Variants in MAP2 observed in about 807,000 individuals in gnomAD.
MAP2 encodes microtubule-associated protein 2.
In MAP2, 14 loss-of-function variants were observed where a neutral mutation model predicts 137.6. That is an observed-to-expected ratio of 0.10 (90% confidence interval 0.07 to 0.16). MAP2 has a LOEUF of 0.16. Ranked by LOEUF, MAP2 falls within the 10% of genes least tolerant of loss-of-function variation. The pLI, the probability that MAP2 is intolerant of heterozygous loss-of-function variation, is 1.00. For missense variants in MAP2, 2,088 were observed against 2,191.5 expected (o/e 0.95, Z 0.94); for synonymous variants, 786 against 782.3 (o/e 1.00, Z -0.08).
chr2:209,716,965 A>G (rs2067919199), intron 13 of MAP2, among the ~76,000 whole-genome samples: 1 of 151,814 alleles, frequency 6.6e-6, no homozygotes, highest in African/African-American at 2.4e-5. Flanking sequence ...ATTGAGTAAA[A>G]GAGCAGGTTT....
At chr2:209,459,655 C>A (rs765961810) in intron 1 of MAP2, among the ~76,000 whole-genome samples, 1 of 152,204 alleles carries the variant, frequency 6.6e-6, no homozygotes, top group Non-Finnish European at 1.5e-5. Flanking sequence ...GACTCTCTTA[C>A]ATCTGAGGTG....
intron 1 of MAP2, among the ~76,000 whole-genome samples, chr2:209,454,359 G>A (rs1701037072): frequency 6.6e-6 from 1 of 151,992 alleles, no homozygotes; most frequent in African/African-American, 2.4e-5. Flanking sequence ...GAGAGAGATG[G>A]AGTCTCGCTC....
intron 5 of MAP2, among the ~76,000 whole-genome samples, chr2:209,662,271 C>T (rs2044013478): frequency 6.6e-6 from 1 of 152,180 alleles, no homozygotes; most frequent in Admixed American, 6.5e-5. Context: ...CAAGAAAATT[C>T]CTCCCATGCA....
chr2:209,674,905 G>C (rs28758270), intron 5 of MAP2, among the ~76,000 whole-genome samples: 28,653 of 151,580 alleles, frequency 0.19, 3,908 homozygotes, highest in African/African-American at 0.38. Context: ...TGCTGATGAG[G>C]CTTCCAATGA....
At chr2:209,601,744 G>A (rs2083068918) in intron 3 of MAP2, among the ~76,000 whole-genome samples, 1 of 152,124 alleles carries the variant, frequency 6.6e-6, no homozygotes, top group Non-Finnish European at 1.5e-5. Flanking sequence ...ACATGGGTTG[G>A]CAGTGTATTT....
chr2:209,692,798 A>G lies in MAP2; in HGVS notation c.628A>G (p.Lys210Glu), dbSNP rs1221551965. 2 of 1,613,788 alleles carry G rather than the reference A, an allele frequency of 1.2e-6. No individual in the cohort carries two copies. The highest frequency in any genetic ancestry group is 1.7e-6 in the Non-Finnish European group (2 of 1,179,880). ...QPETTKTYPD[K>E]KDMQGTEEEK... ...AGAGACAACTAAAACTTACCCTGAT[A>G]AAAAGGACATGCAAGGCACGGAAGA... Residue 210 changes from lysine (K) to glutamate (E), a missense_variant, in exon 8 of 16, where the codon AAA (lysine) becomes GAA (glutamate). Transcript: ENST00000682079.
At position 209,695,696 on chromosome 2, in the gene MAP2, C is replaced by T. The variant is rs770310310; in HGVS notation, c.3526C>T (p.Pro1176Ser). Residue 1176 changes from proline to serine, a missense_variant, in exon 8 of 16, where the codon CCA becomes TCA. Coordinates refer to ENST00000682079, the MANE Select transcript of MAP2 (RefSeq NM_001375505.1). The part of the protein sequence containing the change: ...AVKLSVEIPC[P>S]PAVSEADLAT... ...CAAATTGTCAGTGGAAATACCTTGC[C>T]CACCTGCTGTTTCAGAGGCTGATTT... 3 of 1,613,988 alleles carry T rather than the reference C, an allele frequency of 1.9e-6. No individual in the cohort carries two copies. The highest frequency in any genetic ancestry group is 2.5e-6 in the Non-Finnish European group (3 of 1,179,982).
chr2:209,611,787 C>T (rs1207891693), intron 3 of MAP2, among the ~76,000 whole-genome samples: 3 of 152,048 alleles, frequency 2.0e-5, no homozygotes. Context: ...GCACAACTGT[C>T]TGACACTTTC....
In MAP2 at chr2:209,708,489, G is replaced by C. The variant is rs186691145; in HGVS notation, c.4733-1425G>C. ...CAGGAGATAGAACCTATGGTGATGG[G>C]TGGATTTACATTTTCCATAGATTAC... is the stretch of plus-strand genomic sequence containing the variant. On this transcript the variant is annotated intron_variant, in intron 12 of 15. Coordinates refer to ENST00000682079, the MANE Select transcript of MAP2 (RefSeq NM_001375505.1). 2.7e-3 allele frequency among the ~76,000 whole-genome samples: 412 copies of C among 152,230 alleles called. 1 individual carries two copies. Among genetic ancestry groups the C allele is most frequent in the Middle Eastern group, 0.01 (3 of 294 alleles).
At chr2:209,457,828 T>G (rs1228119358) in intron 1 of MAP2, among the ~76,000 whole-genome samples, 1 of 152,170 alleles carries the variant, frequency 6.6e-6, no homozygotes, top group African/African-American at 2.4e-5. Flanking sequence ...CATTGCCATC[T>G]TTGCCTTTCC....
chr2:209,434,873 GTTATATATA>G (rs1695395128), intron 1 of MAP2, among the ~76,000 whole-genome samples: 3 of 87,604 alleles, frequency 3.4e-5, no homozygotes, highest in Non-Finnish European at 7.6e-5. Context: ...TTATATATAT[GTTATATATA>G]TGTTATATAT....
chr2:209,707,071 A>T (rs769708687), intron 12 of MAP2, among the ~76,000 whole-genome samples: 1 of 152,154 alleles, frequency 6.6e-6, no homozygotes, highest in Non-Finnish European at 1.5e-5. Context: ...AATAACCCCA[A>T]GGATGTATGA....
intron 3 of MAP2, among the ~76,000 whole-genome samples, chr2:209,623,086 T>C (rs937202519): frequency 1.3e-5 from 2 of 152,170 alleles, no homozygotes; most frequent in African/African-American, 4.8e-5. Flanking sequence ...GTTTTTAATA[T>C]TACCCAAATA....
In MAP2 at chr2:209,609,757, A is replaced by G. The variant is rs181198965; in HGVS notation, c.-106-15296A>G. Among the ~76,000 whole-genome samples the G allele has an allele frequency of 3.8e-4, 58 of 152,288 alleles. 1 individual carries two copies. The highest frequency in any genetic ancestry group is 7.1e-4 in the Non-Finnish European group (48 of 68,012). ...GTTGCTGAGTCATTGATTCTTTTTTAAACTGAAAGGAAACCCTGTGGTTAT... is the reference window on the plus strand; with the variant it reads ...GTTGCTGAGTCATTGATTCTTTTTTGAACTGAAAGGAAACCCTGTGGTTAT... On this transcript the variant is annotated intron_variant, in intron 3 of 15. Transcript: ENST00000682079.
intron 1 of MAP2, among the ~76,000 whole-genome samples, chr2:209,425,985 C>T (rs911115519): frequency 6.6e-6 from 1 of 152,078 alleles, no homozygotes; most frequent in Non-Finnish European, 1.5e-5. Flanking sequence ...CACAAAGAAC[C>T]CTTCCTTCAA....
At chr2:209,660,690 C>T (rs1426364856) in intron 5 of MAP2, among the ~76,000 whole-genome samples, 4 of 143,686 alleles carry the variant, frequency 2.8e-5, no homozygotes, top group African/African-American at 1.0e-4. Flanking sequence ...CCACCGTGCC[C>T]GGCCTGCTGC....
chr2:209,528,104 C>T (rs540304247), intron 2 of MAP2, among the ~76,000 whole-genome samples: 2 of 143,348 alleles, frequency 1.4e-5, no homozygotes, highest in African/African-American at 5.2e-5. Context: ...ATCTTCCCCC[C>T]CTGCCCACCC....
In MAP2 at chr2:209,720,054, A is replaced by G. The variant is rs369895999; in HGVS notation, c.5074-5655A>G. Among the ~76,000 whole-genome samples the G allele has an allele frequency of 1.2e-4, 18 of 152,328 alleles. No homozygotes were observed. The South Asian group carries it at 2.1e-3, about 18-fold the overall frequency. Reference sequence around the variant, plus strand: ...AAACACAGGGATGAACTTTAAATGTAAACACAGGCCTTAAAGTATAGAATA... The same window carrying G: ...AAACACAGGGATGAACTTTAAATGTGAACACAGGCCTTAAAGTATAGAATA... On this transcript the variant is annotated intron_variant, in intron 13 of 15. Transcript: ENST00000682079.
At chr2:209,482,924 C>T (rs553419619) in intron 1 of MAP2, among the ~76,000 whole-genome samples, 7 of 152,264 alleles carry the variant, frequency 4.6e-5, no homozygotes, top group Non-Finnish European at 1.0e-4. Flanking sequence ...AATATTACAG[C>T]CTTATACTGC....
Sources: allele counts gnomAD v4.1 joint callset (sites outside exome capture counted in the v4.1 genomes callset), GRCh38; gene constraint gnomAD v4.1.1; transcripts MANE v1.5; gene names NCBI Gene and HGNC (gene_info 2026-07-23, HGNC 2026-07-21).